The following SIPA1L1 variants were observed in gnomAD, a reference collection of about 807,000 sequenced individuals.
SIPA1L1 encodes signal induced proliferation associated 1 like 1.
A neutral mutation model predicts 162.7 loss-of-function variants in SIPA1L1; 26 were observed. The observed-to-expected ratio is 0.16, with a 90% CI of 0.12 to 0.22. The LOEUF is 0.22. Ranked by LOEUF, SIPA1L1 falls within the 10% of genes least tolerant of loss-of-function variation. The probability of loss-of-function intolerance (pLI) is 1.00; values close to 1 mark genes in which losing one functional copy is unlikely to be tolerated. For missense variants in SIPA1L1, 1,874 were observed against 2,241.0 expected, an observed-to-expected ratio of 0.84 and a Z score of 3.31; for synonymous variants, 829 against 837.4, an observed-to-expected ratio of 0.99 and a Z score of 0.17.
chr14:71,323,154 T>C (rs919995287), intron 2 of SIPA1L1, among the ~76,000 whole-genome samples: 1 of 152,238 alleles, frequency 6.6e-6, no homozygotes, highest in Admixed American at 6.5e-5. Flanking sequence ...ATCTTCATTG[T>C]TTAGGAACTT....
At chr14:71,643,307 C>A (rs1030412731) in intron 7 of SIPA1L1, among the ~76,000 whole-genome samples, 1 of 152,064 alleles carries the variant, frequency 6.6e-6, no homozygotes, top group Non-Finnish European at 1.5e-5. Flanking sequence ...AGTTAGATGA[C>A]TTTTTTAGTC....
chr14:71,438,969 G>GT (rs146011158), intron 2 of SIPA1L1, among the ~76,000 whole-genome samples: 139 of 148,492 alleles, frequency 9.4e-4, no homozygotes, highest in African/African-American at 2.1e-3. Flanking sequence ...AGGAGAGCAG[G>GT]TTTTTTTTTT....
chr14:71,402,100 A>G (rs922779694), intron 2 of SIPA1L1, among the ~76,000 whole-genome samples: 2 of 152,108 alleles, frequency 1.3e-5, no homozygotes, highest in African/African-American at 4.8e-5. Flanking sequence ...TGGCCAAGTT[A>G]CTTAACTGTT....
intron 4 of SIPA1L1, among the ~76,000 whole-genome samples, chr14:71,581,111 T>A (rs972104247): frequency 6.6e-6 from 1 of 152,172 alleles, no homozygotes; most frequent in Non-Finnish European, 1.5e-5. Context: ...ATAAAATGTT[T>A]GATTTTTTTT....
At chr14:71,326,360 C>T (rs867127233) in intron 2 of SIPA1L1, among the ~76,000 whole-genome samples, 4 of 151,930 alleles carry the variant, frequency 2.6e-5, no homozygotes, top group South Asian at 2.1e-4. Flanking sequence ...AGGCACACGC[C>T]GCCACACCTG....
At chr14:71,447,986 G>A (rs11625612) in intron 2 of SIPA1L1, among the ~76,000 whole-genome samples, 6,372 of 152,194 alleles carry the variant, frequency 0.042, 192 homozygotes, top group Non-Finnish European at 0.059. Context: ...AGCCCCTCTG[G>A]TCAGTGACAA....
intron 2 of SIPA1L1, among the ~76,000 whole-genome samples, chr14:71,492,609 C>A (rs1311700175): frequency 6.6e-6 from 1 of 152,034 alleles, no homozygotes; most frequent in African/African-American, 2.4e-5. Context: ...TGCGGTAGCT[C>A]TTTAGTGGTC....
At chr14:71,569,894 A>T (rs537069252) in intron 4 of SIPA1L1, among the ~76,000 whole-genome samples, 1 of 152,242 alleles carries the variant, frequency 6.6e-6, no homozygotes, top group South Asian at 2.1e-4. Context: ...TTCTTTAGAC[A>T]CTACTGTTGA....
At chr14:71,466,997 A>G (rs1245105088) in intron 2 of SIPA1L1, among the ~76,000 whole-genome samples, 2 of 152,208 alleles carry the variant, frequency 1.3e-5, no homozygotes, top group Admixed American at 6.5e-5. Flanking sequence ...TAGGGATATA[A>G]CGCAAACTAT....
intron 4 of SIPA1L1, among the ~76,000 whole-genome samples, chr14:71,565,629 T>C (rs1049856509): frequency 6.6e-6 from 1 of 152,206 alleles, no homozygotes; most frequent in Non-Finnish European, 1.5e-5. Context: ...GGTTGTCAAA[T>C]CCTGTATCAT....
rs1233173212 is a variant in SIPA1L1, at chr14:71,741,059, T to C, written c.*1898T>C. Reference sequence around the variant, plus strand: ...CTCTTTTAAAACACTTTGGTATTATTGCTTGAGGTTTGCTTATTTGAAAGA... The same window carrying C: ...CTCTTTTAAAACACTTTGGTATTATCGCTTGAGGTTTGCTTATTTGAAAGA... On this transcript the variant is annotated 3_prime_UTR_variant, in exon 24 of 24. Transcript: ENST00000381232. 6.6e-6 allele frequency: 1 copy of C among 152,214 alleles called. No homozygotes were observed. Among genetic ancestry groups the C allele is most frequent in the African/African-American group, 2.4e-5 (1 of 41,458 alleles). The allele number at this position is 152,214 out of a possible 1,614,324, so 9.4% of individuals were successfully genotyped here.
chr14:71,590,004 T>G (rs146886448), intron 5 of SIPA1L1, among the ~76,000 whole-genome samples: 200 of 140,830 alleles, frequency 1.4e-3, no homozygotes, highest in Non-Finnish European at 2.5e-3. Flanking sequence ...TTCTAATCTT[T>G]TCTTTGAGTG....
chr14:71,462,146 A>G (rs2046649427), intron 2 of SIPA1L1, among the ~76,000 whole-genome samples: 1 of 152,214 alleles, frequency 6.6e-6, no homozygotes, highest in South Asian at 2.1e-4. Flanking sequence ...TGACTTGATG[A>G]CCCATAGTCA....
At position 71,739,224 on chromosome 14, in the gene SIPA1L1, T is replaced by A; in HGVS notation, c.*63T>A. ...CCCTCCAGTGAGTGTCCTGCAGCCCTTATTCCCTCCATAGAAAGCATCCTC... is the reference window on the plus strand; with the variant it reads ...CCCTCCAGTGAGTGTCCTGCAGCCCATATTCCCTCCATAGAAAGCATCCTC... On this transcript the variant is annotated 3_prime_UTR_variant, in exon 24 of 24. Coordinates refer to ENST00000381232, the MANE Select transcript of SIPA1L1 (RefSeq NM_001386936.1). 1 of 1,472,724 alleles carries A rather than the reference T, an allele frequency of 6.8e-7. No homozygotes were observed. Among genetic ancestry groups the A allele is most frequent in the Non-Finnish European group, 9.1e-7 (1 of 1,098,590 alleles). The allele number at this position is 1,472,724 out of a possible 1,614,324, so 91.2% of individuals were successfully genotyped here. A position where few individuals can be genotyped will look rare whatever the true frequency, so the allele number is the denominator to read the frequency against.
At chr14:71,379,340 G>T (rs1595115518) in intron 2 of SIPA1L1, among the ~76,000 whole-genome samples, 2 of 146,142 alleles carry the variant, frequency 1.4e-5, no homozygotes, top group South Asian at 2.2e-4. Flanking sequence ...GTCTCACTCT[G>T]TTGCCCAGGC....
Position 71,730,056 on chromosome 14 carries a change from T to A in SIPA1L1, c.4616T>A (p.Phe1539Tyr). 6.2e-7 allele frequency: 1 copy of A among 1,613,548 alleles called. No homozygotes were observed. The highest frequency in any genetic ancestry group is 1.1e-5 in the South Asian group (1 of 91,066). The change falls in exon 20 of 24, where the codon TTC becomes TAC. Residue 1539 changes from phenylalanine to tyrosine, a missense_variant and splice_region_variant. By Grantham distance (22) the Phe-to-Tyr change is conservative. Transcript: ENST00000381232. ...PTPESQKSFKFHALSSPQSPF... is the reference protein window; with the variant it reads ...PTPESQKSFKYHALSSPQSPF... ...TTTTGTCTTGATCCTGTTTTTCAGT[T>A]CCACGCACTCTCCTCTCCTCAGTCT...
chr14:71,663,390 AT>A (rs927163307), intron 10 of SIPA1L1, among the ~76,000 whole-genome samples: 1 of 152,204 alleles, frequency 6.6e-6, no homozygotes, highest in African/African-American at 2.4e-5. Context: ...ATTTCATAAA[AT>A]TTATAATGAA....
chr14:71,505,441 A>T (rs2050586474), intron 2 of SIPA1L1, among the ~76,000 whole-genome samples: 5 of 135,364 alleles, frequency 3.7e-5, no homozygotes, highest in South Asian at 4.9e-4. Flanking sequence ...TTTTTTTAGC[A>T]CTGTCGCTAT....
chr14:71,539,405 C>G (rs575154144), intron 4 of SIPA1L1, among the ~76,000 whole-genome samples: 2 of 152,232 alleles, frequency 1.3e-5, no homozygotes, highest in East Asian at 3.9e-4. Flanking sequence ...CTCGATTAGG[C>G]CAGCTTGGAA....
Sources: allele counts gnomAD v4.1 joint callset (sites outside exome capture counted in the v4.1 genomes callset), GRCh38; gene constraint gnomAD v4.1.1; transcripts MANE v1.5; gene names NCBI Gene and HGNC (gene_info 2026-07-23, HGNC 2026-07-21).